PLA2G4B: variants seen among roughly 807,000 people sequenced by gnomAD.
PLA2G4B encodes cytosolic phospholipase A2 beta.
A neutral mutation model predicts 95.8 loss-of-function variants in PLA2G4B; 122 were observed. The ratio of observed to expected loss-of-function variants is 1.27; its 90% confidence interval spans 1.10 to 1.48. The LOEUF is 1.48. PLA2G4B is among the 40% of genes most tolerant of loss of function. The pLI, the probability that PLA2G4B is intolerant of heterozygous loss-of-function variation, is 0.00. For missense variants in PLA2G4B, 1,158 were observed against 996.2 expected, an observed-to-expected ratio of 1.16 and a Z score of -2.19; for synonymous variants, 518 against 421.5, an observed-to-expected ratio of 1.23 and a Z score of -2.80.
intron 1 of PLA2G4B, chr15:41,839,831 A>T: frequency 3.4e-6 from 1 of 298,238 alleles, no homozygotes; most frequent in Non-Finnish European, 6.3e-6. Context: ...TGTGGACCTC[A>T]GGCAAGTGAC....
chr15:41,840,583 C>T lies in PLA2G4B; in HGVS notation c.142C>T (p.Gln48Ter), dbSNP rs2065409385. 5 of 1,613,972 alleles carry T rather than the reference C, an allele frequency of 3.1e-6. No individual in the cohort carries two copies. Among genetic ancestry groups the T allele is most frequent in the Middle Eastern group, 3.3e-4 (2 of 6,062 alleles). ...WLPTACSHRL[Q>*]TRTVKNSSSP... Reference sequence around the variant, plus strand: ...GCCCACGGCCTGCAGCCACAGGCTCCAGACACGCACGGTCAAGAACAGCAG... The same window carrying T: ...GCCCACGGCCTGCAGCCACAGGCTCTAGACACGCACGGTCAAGAACAGCAG... The change falls in exon 3 of 20, where the codon CAG becomes TAG. Residue 48 changes from glutamine (Q) to a stop codon, truncating the protein, a stop_gained. Coordinates refer to ENST00000458483, the MANE Select transcript of PLA2G4B (RefSeq NM_001114633.2). LOFTEE classifies it high-confidence loss of function.
chr15:41,843,414 G>T (rs1193645543), intron 10 of PLA2G4B, among the ~76,000 whole-genome samples: 1 of 152,168 alleles, frequency 6.6e-6, no homozygotes, highest in African/African-American at 2.4e-5. Context: ...CTGCCTGGGG[G>T]CCTGTCTGCA....
chr15:41,847,202 A>G, intron 18 of PLA2G4B, 135 bp from the exon 19 acceptor site: 1 of 1,380,302 alleles, frequency 7.2e-7, no homozygotes, highest in Non-Finnish European at 9.6e-7. Context: ...GTTTTTTTCC[A>G]ACGACTGGCT....
At position 41,848,052 on chromosome 15, in the gene PLA2G4B, T is replaced by C. The variant is rs2065613228; in HGVS notation, c.*192T>C. 1.4e-6 allele frequency: 1 copy of C among 732,786 alleles called. No individual in the cohort carries two copies. The highest frequency in any genetic ancestry group is 2.2e-6 in the Non-Finnish European group (1 of 458,564). The allele number at this position is 732,786 out of a possible 1,614,324, so 45.4% of individuals were successfully genotyped here. ...GGTAAGGAGGCCAAGCCCATTTGTG[T>C]AATCACCCAAAACCCCCCGGCCTGT... is the stretch of plus-strand genomic sequence containing the variant. On this transcript the variant is annotated 3_prime_UTR_variant, in exon 20 of 20. Transcript: ENST00000458483.
chr15:41,843,069 C>T (rs562765991), intron 10 of PLA2G4B: 27 of 156,180 alleles, frequency 1.7e-4, no homozygotes, highest in African/African-American at 6.6e-4. Flanking sequence ...CTTTTCTGCC[C>T]CGCCCCCTGC....
Position 41,845,695 on chromosome 15 carries a change from CCT to C in PLA2G4B, c.1418_1419del (p.Ser473Ter). On this transcript the variant is annotated frameshift_variant, in exon 15 of 20. Transcript: ENST00000458483. LOFTEE classifies it high-confidence loss of function. ...TTCCCCAAGTACGGGGCCTTCATCCCCTCTGAGCTCTTTGGCTCCGAGTTCTT... is the reference window on the plus strand; with the variant it reads ...TTCCCCAAGTACGGGGCCTTCATCCCCTGAGCTCTTTGGCTCCGAGTTCTT... 6.2e-7 allele frequency: 1 copy of C among 1,613,810 alleles called. No homozygotes were observed. Among genetic ancestry groups the C allele is most frequent in the Non-Finnish European group, 8.5e-7 (1 of 1,179,886 alleles).
intron 5 of PLA2G4B, 43 bp downstream of exon 5, chr15:41,841,138 G>A (rs1235481921): frequency 6.2e-7 from 1 of 1,611,852 alleles, no homozygotes. Flanking sequence ...AGTGCCTTGT[G>A]GGAAGGACAG....
Position 41,840,913 on chromosome 15 carries a change from G to T in PLA2G4B, c.351+8G>T. 1 of 1,611,456 alleles carries T rather than the reference G, an allele frequency of 6.2e-7. No homozygotes were observed. Among genetic ancestry groups the T allele is most frequent in the African/African-American group, 1.3e-5 (1 of 75,016 alleles). ...TTCTCACTGAGCCCTCAGGCAAGGC[G>T]GTGTTTCCACGGCAGCCCTAGCTGG... On this transcript the variant is annotated splice_region_variant and intron_variant, in intron 4 of 19. Transcript: ENST00000458483.
At chr15:41,844,188 C>T (rs536744996) in intron 11 of PLA2G4B, among the ~76,000 whole-genome samples, 3 of 152,196 alleles carry the variant, frequency 2.0e-5, no homozygotes, top group Non-Finnish European at 4.4e-5. Context: ...GAGGCGGGCC[C>T]TGGGGCTTCC....
intron 18 of PLA2G4B, 137 bp from the exon 19 acceptor site, chr15:41,847,199 TC>T: frequency 2.4e-6 from 3 of 1,250,250 alleles, no homozygotes; most frequent in Non-Finnish European, 3.2e-6. Context: ...AGAGTTTTTT[TC>T]CAACGACTGG....
At position 41,846,831 on chromosome 15, in the gene PLA2G4B, TCCAGGTTGGGAAGGGTGGGCAGCCCA is replaced by T. The variant is rs1378269021; in HGVS notation, c.1947+2_1947+27del. 1.2e-6 allele frequency: 2 copies of T among 1,608,290 alleles called. No homozygotes were observed. The highest frequency in any genetic ancestry group is 4.5e-5 in the East Asian group (2 of 44,728). ...TTGGACTACAACCTCCACGGAGCCTTCCAGGTTGGGAAGGGTGGGCAGCCCACCAGGGAGGCGGTGGGTGGCCCCTG... is the reference window on the plus strand; with the variant it reads ...TTGGACTACAACCTCCACGGAGCCTTCCAGGGAGGCGGTGGGTGGCCCCTG... On this transcript the variant is annotated splice_donor_variant and splice_donor_5th_base_variant and coding_sequence_variant and intron_variant, in exon 18 of 20. Transcript: ENST00000458483. LOFTEE classifies it high-confidence loss of function.
intron 8 of PLA2G4B, 85 bp from the exon 9 acceptor site, chr15:41,842,106 CTA>C (rs1260799629): frequency 6.9e-6 from 11 of 1,588,680 alleles, no homozygotes; most frequent in Non-Finnish European, 9.4e-6. Context: ...TCCCATAACT[CTA>C]TGGCTGCCGG....
chr15:41,842,249 G>C lies in PLA2G4B; in HGVS notation c.678G>C (p.Val226=). The change falls in exon 9 of 20, where the codon GTG becomes GTC. Residue 226 remains valine (V), a synonymous_variant. Coordinates refer to ENST00000458483, the MANE Select transcript of PLA2G4B (RefSeq NM_001114633.2). ...TGAGTGCCCTGCCCTCTGGTCAAGTGGTGAGGCTTGTCTTCCCCACGTCCC... is the reference window on the plus strand; with the variant it reads ...TGAGTGCCCTGCCCTCTGGTCAAGTCGTGAGGCTTGTCTTCCCCACGTCCC... ...APLSALPSGQ[V]VRLVFPTSQE... 1 of 1,614,084 alleles carries C rather than the reference G, an allele frequency of 6.2e-7. No homozygotes were observed. The highest frequency in any genetic ancestry group is 1.1e-5 in the South Asian group (1 of 91,084).
In PLA2G4B at chr15:41,844,984, G is replaced by T; in HGVS notation, c.1153G>T (p.Glu385Ter). 1 of 1,609,172 alleles carries T rather than the reference G, an allele frequency of 6.2e-7. No individual in the cohort carries two copies. The highest frequency in any genetic ancestry group is 2.2e-5 in the East Asian group (1 of 44,646). Residue 385 changes from glutamate (E) to a stop codon, truncating the protein, a stop_gained, in exon 13 of 20, where the codon GAG becomes TAG. Coordinates refer to ENST00000458483, the MANE Select transcript of PLA2G4B (RefSeq NM_001114633.2). LOFTEE classifies it high-confidence loss of function. ...CAGCCAGCTGCAGCGGTACCGGCAGGAGCTGGCCGAGCGTGCCCGCTTGGG... is the reference window on the plus strand; with the variant it reads ...CAGCCAGCTGCAGCGGTACCGGCAGTAGCTGGCCGAGCGTGCCCGCTTGGG... The part of the protein sequence containing the change: ...APSQLQRYRQ[E>*]LAERARLGYP...
rs776696896 is a variant in PLA2G4B, at chr15:41,846,214, G to GT, written c.1613dup (p.Leu540ProfsTer16). Reference sequence around the variant, plus strand: ...CCTTGCCTGTGTAGACAAGGAGCAGGTCCCCCTTCTGAAGATAGAAGAACC... The same window carrying GT: ...CCTTGCCTGTGTAGACAAGGAGCAGGTTCCCCCTTCTGAAGATAGAAGAACC... On this transcript the variant is annotated frameshift_variant, in exon 17 of 20. Coordinates refer to ENST00000458483, the MANE Select transcript of PLA2G4B (RefSeq NM_001114633.2). LOFTEE classifies it high-confidence loss of function. 16 of 1,613,658 alleles carry GT rather than the reference G, an allele frequency of 9.9e-6. No homozygotes were observed. Among genetic ancestry groups the GT allele is most frequent in the Non-Finnish European group, 1.2e-5 (14 of 1,179,856 alleles).
At chr15:41,839,219 G>A (rs1163229593) in intron 1 of PLA2G4B, 3 of 319,682 alleles carry the variant, frequency 9.4e-6, no homozygotes, top group Non-Finnish European at 1.8e-5. Flanking sequence ...CTGGAAGCAA[G>A]TGGCTCCTCC....
intron 16 of PLA2G4B, 62 bp from the exon 17 acceptor site, chr15:41,846,141 G>A (rs769015883): frequency 4.4e-6 from 7 of 1,591,548 alleles, no homozygotes; most frequent in Admixed American, 1.7e-5. Context: ...CCCCTCCAGG[G>A]TCACCACCAA....
At chr15:41,844,775 A>G in intron 12 of PLA2G4B, 73 bp from the exon 13 acceptor site, 1 of 1,537,756 alleles carries the variant, frequency 6.5e-7, no homozygotes, top group Non-Finnish European at 8.8e-7. Context: ...TGTCCTAGAA[A>G]GCCCGGGGCA....
intron 10 of PLA2G4B, chr15:41,843,107 GTC>G (rs903815730): frequency 7.2e-6 from 1 of 139,704 alleles, no homozygotes; most frequent in Admixed American, 7.6e-5. Flanking sequence ...TTGAGATGGA[GTC>G]TCTCTCTGTC....
Sources: gnomAD v4.1 joint callset for allele counts (sites outside exome capture counted in the v4.1 genomes callset) on GRCh38, gnomAD v4.1.1 for gene constraint, MANE v1.5 for transcripts, NCBI Gene and HGNC (gene_info 2026-07-23, HGNC 2026-07-21) for gene names.